Variants in PRUNE1 observed in about 807,000 individuals in gnomAD.
The protein encoded by PRUNE1 is prune exopolyphosphatase 1.
A neutral mutation model predicts 42.5 loss-of-function variants in PRUNE1; 25 were observed. The ratio of observed to expected loss-of-function variants is 0.59; its 90% confidence interval spans 0.43 to 0.82. The LOEUF (loss-of-function observed/expected upper bound fraction) is 0.82. PRUNE1 is among the 40% of genes least tolerant of loss of function. PRUNE1 has a pLI of 0.00. For synonymous variants in PRUNE1, 203 were observed against 217.1 expected, an observed-to-expected ratio of 0.93 and a Z score of 0.57; for missense variants, 443 against 539.3, an observed-to-expected ratio of 0.82 and a Z score of 1.77.
chr1:151,026,300 T>G (rs1347822352), intron 5 of PRUNE1, among the ~76,000 whole-genome samples: 1 of 151,624 alleles, frequency 6.6e-6, no homozygotes, highest in Non-Finnish European at 1.5e-5. Context: ...CTACTAAAAA[T>G]ACGAAAAATT....
At chr1:151,025,065 G>C (rs764163261) in intron 4 of PRUNE1, among the ~76,000 whole-genome samples, 1 of 152,118 alleles carries the variant, frequency 6.6e-6, no homozygotes, top group Non-Finnish European at 1.5e-5. Context: ...ATTAGCTAAA[G>C]AAGCAGGAAA....
intron 1 of PRUNE1, among the ~76,000 whole-genome samples, chr1:151,017,021 G>A (rs1378566142): frequency 1.3e-5 from 2 of 150,402 alleles, no homozygotes; most frequent in African/African-American, 2.4e-5. Context: ...TTAGCTAGGT[G>A]TGGTGGCGCA....
At chr1:151,029,061 C>T (rs916121905) in intron 7 of PRUNE1, 117 bp downstream of exon 7, 2 of 1,077,372 alleles carry the variant, frequency 1.9e-6, no homozygotes, top group Non-Finnish European at 2.6e-6. Flanking sequence ...AATGTACTTA[C>T]ATGAGGTCCC....
intron 3 of PRUNE1, among the ~76,000 whole-genome samples, chr1:151,019,004 C>CT (rs747927406): frequency 7.2e-5 from 11 of 152,218 alleles, no homozygotes; most frequent in Non-Finnish European, 1.2e-4. Context: ...GATCGTGCCA[C>CT]TGCACTCCAG....
rs751943099 is a variant in PRUNE1, at chr1:151,018,513, G to A, written c.179G>A (p.Arg60His). The change falls in exon 3 of 8, where the codon CGT becomes CAT. Residue 60 changes from arginine (R) to histidine (H), a missense_variant. Transcript: ENST00000271620. ...EVFVPVLNIK[R>H]SELPLRGDIV... ...TTTGTGCCAGTTTTAAATATAAAAC[G>A]TTCTGAACTACCTCTGCGAGGTGAC... is the stretch of plus-strand genomic sequence containing the variant. 3.8e-5 allele frequency: 62 copies of A among 1,613,614 alleles called. No individual in the cohort carries two copies. In the South Asian group the frequency reaches 4.6e-4, roughly 12 times the overall value.
chr1:151,019,736 A>G (rs1304758191), intron 3 of PRUNE1, among the ~76,000 whole-genome samples: 1 of 151,950 alleles, frequency 6.6e-6, no homozygotes, highest in Non-Finnish European at 1.5e-5. Flanking sequence ...TCCTAGGCTC[A>G]TGCTATCTTC....
intron 6 of PRUNE1, among the ~76,000 whole-genome samples, chr1:151,027,781 T>C (rs12097411): frequency 0.17 from 23,970 of 142,322 alleles, 3,989 homozygotes; most frequent in African/African-American, 0.44. Flanking sequence ...TGTGTGTGTG[T>C]GCGCGCGCGT....
intron 3 of PRUNE1, among the ~76,000 whole-genome samples, chr1:151,019,295 G>A (rs995172117): frequency 5.9e-5 from 9 of 152,006 alleles, no homozygotes; most frequent in East Asian, 1.9e-4. Flanking sequence ...GATGGCTCAC[G>A]CCTGTAATCT....
At chr1:151,029,353 T>C (rs180888013) in intron 7 of PRUNE1, among the ~76,000 whole-genome samples, 2 of 148,996 alleles carry the variant, frequency 1.3e-5, no homozygotes, top group Non-Finnish European at 3.0e-5. Flanking sequence ...GAAGGATTGC[T>C]TAAGCTGGAA....
At chr1:151,023,165 T>C (rs1157890799) in intron 3 of PRUNE1, among the ~76,000 whole-genome samples, 1 of 152,190 alleles carries the variant, frequency 6.6e-6, no homozygotes, top group Non-Finnish European at 1.5e-5. Context: ...TTTTAAATTA[T>C]ATTCTGGGTC....
chr1:151,026,267 G>T (rs58189151), intron 5 of PRUNE1, among the ~76,000 whole-genome samples: 4 of 151,626 alleles, frequency 2.6e-5, no homozygotes, highest in Non-Finnish European at 5.9e-5. Context: ...GACCAGCCTA[G>T]CTAACATGGT....
intron 3 of PRUNE1, among the ~76,000 whole-genome samples, chr1:151,020,133 TATTTTTA>T (rs1674330308): frequency 7.4e-6 from 1 of 135,908 alleles, no homozygotes; most frequent in Non-Finnish European, 1.6e-5. Flanking sequence ...ACACCTGGCC[TATTTTTA>T]ATTTTTAAAA....
intron 1 of PRUNE1, among the ~76,000 whole-genome samples, chr1:151,013,208 G>C (rs1033450365): frequency 1.4e-4 from 21 of 152,168 alleles, no homozygotes; most frequent in Non-Finnish European, 2.5e-4. Flanking sequence ...ATAGTGCAAA[G>C]GGCAGAGCTG....
chr1:151,034,213 A>C lies in PRUNE1; in HGVS notation c.1341A>C (p.Thr447=), dbSNP rs776538754. 27 of 1,611,578 alleles carry C rather than the reference A, an allele frequency of 1.7e-5. No individual in the cohort carries two copies. The East Asian group carries it at 6.0e-4, about 36-fold the overall frequency. The change falls in exon 8 of 8, where the codon ACA becomes ACC. Residue 447 remains threonine (T), a synonymous_variant. Coordinates refer to ENST00000271620, the MANE Select transcript of PRUNE1 (RefSeq NM_021222.3). ...AGATCTCACTGTCACAGTCTACCACAGCCTCCCTGTCCAAGAAGTGACTGT... is the reference window on the plus strand; with the variant it reads ...AGATCTCACTGTCACAGTCTACCACCGCCTCCCTGTCCAAGAAGTGACTGT... ...CSQISLSQST[T]ASLSKK
At position 151,034,561 on chromosome 1, in the gene PRUNE1, C is replaced by T. The variant is rs372697937; in HGVS notation, c.*327C>T. ...AGAATTTAGACCCCAAAAGTGTCCT[C>T]GGCATGGATCTTGAACAGAACCAGT... On this transcript the variant is annotated 3_prime_UTR_variant, in exon 8 of 8. Transcript: ENST00000271620. 18 of 288,610 alleles carry T rather than the reference C, an allele frequency of 6.2e-5. No individual in the cohort carries two copies. Among genetic ancestry groups the T allele is most frequent in the East Asian group, 4.3e-4 (6 of 14,102 alleles). 17.9% of individuals were successfully genotyped at this position (288,610 alleles called of 1,614,324 possible). A position where few individuals can be genotyped will look rare whatever the true frequency, so the allele number is the denominator to read the frequency against.
At position 151,022,017 on chromosome 1, in the gene PRUNE1, A is replaced by G. The variant is rs922748955; in HGVS notation, c.336-2594A>G. ...TCTCTCTCGCTCTGTCTCCTAGGCT[A>G]GAGTACAGCGGCATCATCATAACCT... is the stretch of plus-strand genomic sequence containing the variant. On this transcript the variant is annotated intron_variant, in intron 3 of 7. Coordinates refer to ENST00000271620, the MANE Select transcript of PRUNE1 (RefSeq NM_021222.3). Among the ~76,000 whole-genome samples, 13 of 150,176 alleles carry G rather than the reference A, an allele frequency of 8.7e-5. No homozygotes were observed. In the Admixed American group the frequency reaches 8.7e-4, roughly 10 times the overall value.
intron 6 of PRUNE1, among the ~76,000 whole-genome samples, chr1:151,027,730 C>T (rs1391273718): frequency 6.6e-6 from 1 of 151,014 alleles, no homozygotes; most frequent in Non-Finnish European, 1.5e-5. Context: ...CACAGGTGCA[C>T]ACCACCACAC....
Position 151,018,632 on chromosome 1 carries a change from C to T in PRUNE1, c.298C>T (p.Leu100Phe), listed in dbSNP as rs770307315. 30 of 1,614,092 alleles carry T rather than the reference C, an allele frequency of 1.9e-5. No homozygotes were observed. The South Asian group carries it at 3.2e-4, about 17-fold the overall frequency. ...DLHALYQAGQ[L>F]TLILVDHHIL... ...CCATGCATTATACCAGGCTGGCCAA[C>T]TCACCCTCATCCTTGTCGACCATCA... Residue 100 changes from leucine to phenylalanine, a missense_variant, in exon 3 of 8, where the codon CTC becomes TTC. Physicochemically the swap from Leu to Phe is conservative, Grantham distance 22. Transcript: ENST00000271620.
At chr1:151,030,612 T>A (rs1675185684) in intron 7 of PRUNE1, among the ~76,000 whole-genome samples, 1 of 152,080 alleles carries the variant, frequency 6.6e-6, no homozygotes, top group African/African-American at 2.4e-5. Context: ...CACCTCAGCC[T>A]GTAGCTGGGA....
Sources: allele counts gnomAD v4.1 joint callset (sites outside exome capture counted in the v4.1 genomes callset), GRCh38; gene constraint gnomAD v4.1.1; transcripts MANE v1.5; gene names NCBI Gene and HGNC (gene_info 2026-07-23, HGNC 2026-07-21).